Variants in SEM1 observed in about 807,000 individuals in gnomAD.
SEM1 encodes 26S proteasome complex subunit SEM1.
A neutral mutation model predicts 12.7 loss-of-function variants in SEM1; 3 were observed. The ratio of observed to expected loss-of-function variants is 0.24; its 90% CI spans 0.11 to 0.61. The LOEUF (loss-of-function observed/expected upper bound fraction) is 0.61. SEM1 is among the 20% of genes least tolerant of loss of function. The pLI, the probability that SEM1 is intolerant of heterozygous loss-of-function variation, is 0.88. For missense variants in SEM1, 59 were observed against 81.3 expected (o/e 0.73, Z 1.06); for synonymous variants, 30 against 27.8 (o/e 1.08, Z -0.25).
intron 2 of SEM1, among the ~76,000 whole-genome samples, chr7:96,588,822 A>G (rs1334730848): frequency 2.0e-5 from 3 of 152,190 alleles, no homozygotes; most frequent in South Asian, 2.1e-4. Flanking sequence ...CAATTCATAC[A>G]TAGAATAAAT....
intron 3 of SEM1, chr7:96,503,607 G>C (rs1803647131): frequency 6.6e-6 from 1 of 151,912 alleles, no homozygotes; most frequent in Non-Finnish European, 1.5e-5. Flanking sequence ...TTAGATATCT[G>C]GTGTGCTGAA....
chr7:96,562,825 G>A (rs1402911319), intron 2 of SEM1, among the ~76,000 whole-genome samples: 1 of 152,158 alleles, frequency 6.6e-6, no homozygotes, highest in Non-Finnish European at 1.5e-5. Flanking sequence ...ACCATGCGTG[G>A]CTCTGTTGTT....
chr7:96,599,247 TTCTCTC>T (rs35192987), intron 2 of SEM1, among the ~76,000 whole-genome samples: 12 of 150,392 alleles, frequency 8.0e-5, no homozygotes, highest in Admixed American at 3.3e-4. Flanking sequence ...TTTTTTGCCT[TTCTCTC>T]TCTCTCTCTC....
intron 2 of SEM1, among the ~76,000 whole-genome samples, chr7:96,648,821 G>A (rs1260486821): frequency 6.6e-6 from 1 of 152,216 alleles, no homozygotes; most frequent in East Asian, 1.9e-4. Context: ...AAACTGCAGT[G>A]CAGCCCTGAC....
chr7:96,573,109 GT>G (rs142630776), intron 2 of SEM1, among the ~76,000 whole-genome samples: 100,680 of 135,826 alleles, frequency 0.74, 36,829 homozygotes, highest in East Asian at 0.83. Flanking sequence ...TGCAACCCCT[GT>G]TTTTTTTTTT....
At chr7:96,514,020 T>G (rs1745125030) in intron 2 of SEM1, among the ~76,000 whole-genome samples, 2 of 152,234 alleles carry the variant, frequency 1.3e-5, no homozygotes, top group South Asian at 2.1e-4. Flanking sequence ...AGATTTTATT[T>G]TATAGATTTA....
At chr7:96,630,678 A>C (rs1608739) in intron 2 of SEM1, among the ~76,000 whole-genome samples, 132,004 of 152,188 alleles carry the variant, frequency 0.87, 58,168 homozygotes, top group East Asian at 1. Context: ...TTACTTTTCC[A>C]TCCTCTGTTC....
intron 2 of SEM1, among the ~76,000 whole-genome samples, chr7:96,661,578 A>C (rs1295603150): frequency 6.6e-6 from 1 of 152,070 alleles, no homozygotes; most frequent in Non-Finnish European, 1.5e-5. Flanking sequence ...GAAATAAATT[A>C]GACCAAAGGA....
At chr7:96,527,352 A>G (rs2115687314) in intron 2 of SEM1, among the ~76,000 whole-genome samples, 1 of 152,232 alleles carries the variant, frequency 6.6e-6, no homozygotes, top group African/African-American at 2.4e-5. Flanking sequence ...AAACGGTGTC[A>G]CTTCTAATTT....
intron 2 of SEM1, among the ~76,000 whole-genome samples, chr7:96,521,676 C>A (rs1167379505): frequency 6.6e-6 from 1 of 152,074 alleles, no homozygotes; most frequent in Non-Finnish European, 1.5e-5. Flanking sequence ...CCTTTCCCAA[C>A]CCACACTGAA....
rs34525327 is a variant in SEM1, at chr7:96,705,359, CAAA to C, written c.76+4326_76+4328del. On this transcript the variant is annotated intron_variant, in intron 1 of 2. Coordinates refer to ENST00000248566, the MANE Select transcript of SEM1 (RefSeq NM_006304.2). The stretch of plus-strand genomic sequence containing the variant: ...AAATATTCTAAAAAAGCTTCTCTCT[CAAA>C]AAAAAAAAAAAAACCCTTTCAATTC... Among the ~76,000 whole-genome samples the C allele has an allele frequency of 5.4e-4, 77 of 142,206 alleles. 1 individual carries two copies. Among genetic ancestry groups the C allele is most frequent in the Admixed American group, 1.9e-3 (27 of 14,388 alleles). 93.3% of individuals were successfully genotyped at this position (142,206 alleles called of 152,430 possible).
chr7:96,662,902 G>A (rs941111375), intron 2 of SEM1, among the ~76,000 whole-genome samples: 10 of 152,166 alleles, frequency 6.6e-5, no homozygotes, highest in African/African-American at 1.7e-4. Context: ...TGAACAAGAT[G>A]TAGAAAGTGT....
At chr7:96,681,112 G>T (rs1789597957) in intron 2 of SEM1, among the ~76,000 whole-genome samples, 1 of 152,084 alleles carries the variant, frequency 6.6e-6, no homozygotes, top group South Asian at 2.1e-4. Context: ...TTGCTTGGGT[G>T]ATATATCTTT....
At chr7:96,542,052 T>G (rs573304179) in intron 2 of SEM1, among the ~76,000 whole-genome samples, 1 of 151,436 alleles carries the variant, frequency 6.6e-6, no homozygotes, top group East Asian at 1.9e-4. Flanking sequence ...TTATTTTTGC[T>G]TAGGATTGCT....
intron 2 of SEM1, among the ~76,000 whole-genome samples, chr7:96,589,109 G>A (rs1007826599): frequency 2.0e-5 from 3 of 152,194 alleles, no homozygotes; most frequent in Non-Finnish European, 2.9e-5. Context: ...TGTGGGAACC[G>A]CACTGCTTAG....
chr7:96,580,828 C>T lies in SEM1; in HGVS notation c.171-74130G>A, dbSNP rs549931769. On this transcript the variant is annotated intron_variant and NMD_transcript_variant, in intron 2 of 3. Transcript: ENST00000466986. ...TTTTTGATGGGGTTGTTTGTTTTTT[C>T]TCATAAATTTGTTTGAGTTCATTGT... Among the ~76,000 whole-genome samples the T allele has an allele frequency of 1.3e-4, 20 of 152,102 alleles. No individual in the cohort carries two copies. In the East Asian group the frequency reaches 3.1e-3, roughly 24 times the overall value.
chr7:96,556,043 G>T (rs1805484355), intron 2 of SEM1, among the ~76,000 whole-genome samples: 1 of 151,026 alleles, frequency 6.6e-6, no homozygotes, highest in Non-Finnish European at 1.5e-5. Flanking sequence ...CATTTGCTTG[G>T]TAGATCTTCC....
chr7:96,688,804 CAAAT>C lies in SEM1; in HGVS notation c.*116_*119del, dbSNP rs1325698056. ...ATTTATTTTTTGTGTTACAAAAACA[CAAAT>C]AAATCCAAGCAGATAATGAAATAAA... On this transcript the variant is annotated 3_prime_UTR_variant, in exon 3 of 3. Coordinates refer to ENST00000248566, the MANE Select transcript of SEM1 (RefSeq NM_006304.2). The C allele has an allele frequency of 1.5e-6, 1 of 673,528 alleles. No individual in the cohort carries two copies. Among genetic ancestry groups the C allele is most frequent in the Non-Finnish European group, 2.6e-6 (1 of 380,344 alleles). The allele number at this position is 673,528 out of a possible 1,614,324, so 41.7% of individuals were successfully genotyped here.
At chr7:96,548,227 A>G (rs939835308) in intron 2 of SEM1, among the ~76,000 whole-genome samples, 1 of 152,116 alleles carries the variant, frequency 6.6e-6, no homozygotes, top group Non-Finnish European at 1.5e-5. Context: ...TCGATTCTTA[A>G]TCCCAAGTCT....
Sources: gnomAD v4.1 joint callset for allele counts (sites outside exome capture counted in the v4.1 genomes callset) on GRCh38, gnomAD v4.1.1 for gene constraint, MANE v1.5 for transcripts, NCBI Gene and HGNC (gene_info 2026-07-23, HGNC 2026-07-21) for gene names.